Variants in CHD7 observed in about 807,000 individuals in gnomAD.
CHD7 encodes chromodomain helicase DNA binding protein 7, also known as ATP-dependent chromatin remodeler CHD7.
CHD7 carries 24 observed loss-of-function variants against 307.3 expected under a neutral mutation model. The observed-to-expected ratio is 0.08, with a 90% CI of 0.06 to 0.11. The LOEUF (loss-of-function observed/expected upper bound fraction) is 0.11, where lower values mean the gene tolerates loss of function less well. Among genes scored for constraint, CHD7 ranks in the 10% least tolerant of loss-of-function variants. The probability of loss-of-function intolerance (pLI) is 1.00; values close to 1 mark genes in which losing one functional copy is unlikely to be tolerated. For synonymous variants in CHD7, 1,363 were observed against 1,349.9 expected, an observed-to-expected ratio of 1.01 and a Z score of -0.21; for missense variants, 3,106 against 3,727.1, an observed-to-expected ratio of 0.83 and a Z score of 4.34.
At chr8:60,844,786 A>G (rs561810951) in intron 21 of CHD7, 78 bp from the exon 22 acceptor site, 41 of 1,264,316 alleles carry the variant, frequency 3.2e-5, no homozygotes, top group Non-Finnish European at 4.0e-5. Flanking sequence ...GGATTTCCCA[A>G]CGCTGGTACC....
At chr8:60,683,585 G>A (rs931820360) in intron 1 of CHD7, among the ~76,000 whole-genome samples, 1 of 152,228 alleles carries the variant, frequency 6.6e-6, no homozygotes, top group African/African-American at 2.4e-5. Context: ...GATATTTAGA[G>A]TGTGAGGACC....
At chr8:60,768,414 C>G (rs550106538) in intron 2 of CHD7, among the ~76,000 whole-genome samples, 1 of 152,340 alleles carries the variant, frequency 6.6e-6, no homozygotes, top group South Asian at 2.1e-4. Context: ...ATCCTTCCTT[C>G]TAACAACTTC....
intron 1 of CHD7, among the ~76,000 whole-genome samples, chr8:60,736,839 C>T (rs1291656609): frequency 6.6e-6 from 1 of 152,112 alleles, no homozygotes; most frequent in Non-Finnish European, 1.5e-5. Flanking sequence ...TATCTCCTTG[C>T]TAGGTTTCTA....
chr8:60,841,638 C>G lies in CHD7; in HGVS notation c.4534-6C>G. On this transcript the variant is annotated splice_polypyrimidine_tract_variant and splice_region_variant and intron_variant, in intron 19 of 37. Transcript: ENST00000423902. ...TCAAAGTAATGCGTTTCTTTTTTCT[C>G]TTTAGGCCAGTTTTGTTGCATCTGG... is the stretch of plus-strand genomic sequence containing the variant. 1 of 1,604,482 alleles carries G rather than the reference C, an allele frequency of 6.2e-7. No individual in the cohort carries two copies. Among genetic ancestry groups the G allele is most frequent in the Non-Finnish European group, 8.5e-7 (1 of 1,171,650 alleles).
At chr8:60,729,687 G>A (rs749976857) in intron 1 of CHD7, among the ~76,000 whole-genome samples, 3 of 152,176 alleles carry the variant, frequency 2.0e-5, no homozygotes, top group Non-Finnish European at 4.4e-5. Flanking sequence ...CACAAAATTC[G>A]AAGCTTCATA....
intron 19 of CHD7, among the ~76,000 whole-genome samples, chr8:60,839,366 T>C (rs1018925676): frequency 6.6e-6 from 1 of 152,222 alleles, no homozygotes; most frequent in Non-Finnish European, 1.5e-5. Flanking sequence ...TACTATTGGC[T>C]ATTATGAAGA....
intron 4 of CHD7, among the ~76,000 whole-genome samples, chr8:60,797,021 A>C (rs1812066484): frequency 6.6e-6 from 1 of 152,206 alleles, no homozygotes; most frequent in East Asian, 1.9e-4. Flanking sequence ...AAGCAATCCA[A>C]GTTTAAAAAG....
At chr8:60,767,629 A>G (rs1810533006) in intron 2 of CHD7, among the ~76,000 whole-genome samples, 1 of 152,180 alleles carries the variant, frequency 6.6e-6, no homozygotes, top group Non-Finnish European at 1.5e-5. Context: ...GGGTCCCCAG[A>G]GGCTTCCTGT....
intron 2 of CHD7, among the ~76,000 whole-genome samples, chr8:60,753,799 A>G (rs1030702060): frequency 2.0e-5 from 3 of 151,536 alleles, no homozygotes; most frequent in Non-Finnish European, 2.9e-5. Flanking sequence ...TGATTTTTGT[A>G]TTTTTAGTAG....
In CHD7 at chr8:60,848,564, G is replaced by A; in HGVS notation, c.5260G>A (p.Gly1754Arg). ...MLYYLRQEVIGDQADKILEGA... is the reference protein window; with the variant it reads ...MLYYLRQEVIRDQADKILEGA... ...GTACTACCTAAGACAAGAAGTGATAGGAGACCAGGCGGATAAGATCTTAGA... is the reference window on the plus strand; with the variant it reads ...GTACTACCTAAGACAAGAAGTGATAAGAGACCAGGCGGATAAGATCTTAGA... Residue 1754 changes from glycine (G) to arginine (R), a missense_variant, in exon 24 of 38, where the codon GGA (glycine) becomes AGA (arginine). Transcript: ENST00000423902. 6.2e-7 allele frequency: 1 copy of A among 1,613,746 alleles called. No homozygotes were observed. Among genetic ancestry groups the A allele is most frequent in the Non-Finnish European group, 8.5e-7 (1 of 1,179,764 alleles).
intron 9 of CHD7, among the ~76,000 whole-genome samples, 167 bp from the exon 10 acceptor site, chr8:60,821,623 T>C (rs1213425744): frequency 6.6e-6 from 1 of 150,474 alleles, no homozygotes. Context: ...AACATATATA[T>C]ACATATGTAT....
At chr8:60,753,551 A>T (rs528907488) in intron 2 of CHD7, among the ~76,000 whole-genome samples, 1 of 152,316 alleles carries the variant, frequency 6.6e-6, no homozygotes, top group East Asian at 1.9e-4. Flanking sequence ...AAACAACAAC[A>T]GTAAGAGACT....
In CHD7 at chr8:60,845,230, T is replaced by C. The variant is rs1394727727; in HGVS notation, c.5051-20T>C. The C allele has an allele frequency of 2.5e-6, 4 of 1,599,078 alleles. No individual in the cohort carries two copies. The highest frequency in any genetic ancestry group is 3.4e-6 in the Non-Finnish European group (4 of 1,171,056). On this transcript the variant is annotated intron_variant, in intron 22 of 37. Coordinates refer to ENST00000423902, the MANE Select transcript of CHD7 (RefSeq NM_017780.4). Reference sequence around the variant, plus strand: ...TTGGAATGTAAAAGGCTTCTATTATTATTATGATGGTGATTCTAGGTTTGT... The same window carrying C: ...TTGGAATGTAAAAGGCTTCTATTATCATTATGATGGTGATTCTAGGTTTGT...
At chr8:60,795,475 A>G (rs1438342093) in intron 4 of CHD7, among the ~76,000 whole-genome samples, 3 of 152,174 alleles carry the variant, frequency 2.0e-5, no homozygotes, top group Non-Finnish European at 2.9e-5. Context: ...AAATTTCTCT[A>G]AAGTTTGGTT....
chr8:60,731,002 CATACCCACA>C (rs1808426732), intron 1 of CHD7, among the ~76,000 whole-genome samples: 1 of 152,200 alleles, frequency 6.6e-6, no homozygotes, highest in African/African-American at 2.4e-5. Flanking sequence ...CTCTGTCCAG[CATACCCACA>C]CTGTAGATGC....
In CHD7 at chr8:60,795,083, C is replaced by T; in HGVS notation, c.2194C>T (p.Pro732Ser). 1 of 1,613,678 alleles carries T rather than the reference C, an allele frequency of 6.2e-7. No individual in the cohort carries two copies. Among genetic ancestry groups the T allele is most frequent in the African/African-American group, 1.3e-5 (1 of 74,992 alleles). The stretch of plus-strand genomic sequence containing the variant: ...AAATTCAGACTTAGACAAAACACCC[C>T]CACCATCTCCTCCTCCTGAAGAAGA... ...SENSDLDKTP[P>S]PSPPPEEDED... The change falls in exon 4 of 38, where the codon CCA (proline) becomes TCA (serine). Residue 732 changes from proline to serine, a missense_variant. Coordinates refer to ENST00000423902, the MANE Select transcript of CHD7 (RefSeq NM_017780.4).
rs149737030 is a variant in CHD7 at position 60,800,000 on chromosome 8, T to G, written c.2239-388T>G. Among the ~76,000 whole-genome samples, 320 of 152,224 alleles carry G rather than the reference T, an allele frequency of 2.1e-3. 1 individual carries two copies. Among genetic ancestry groups the G allele is most frequent in the Non-Finnish European group, 3.9e-3 (264 of 68,012 alleles). ...CTTAAGATTAATTTAAAAAAATTCA[T>G]CCTTCCACTCTGCGCCATTATAAAG... On this transcript the variant is annotated intron_variant, in intron 4 of 37. Coordinates refer to ENST00000423902, the MANE Select transcript of CHD7 (RefSeq NM_017780.4).
At chr8:60,761,438 CA>C (rs1442047639) in intron 2 of CHD7, among the ~76,000 whole-genome samples, 1 of 151,848 alleles carries the variant, frequency 6.6e-6, no homozygotes, top group East Asian at 1.9e-4. Context: ...CACATGTATA[CA>C]TATGTAACTA....
chr8:60,843,359 A>G (rs1003061276), intron 21 of CHD7, among the ~76,000 whole-genome samples: 7 of 152,222 alleles, frequency 4.6e-5, no homozygotes, highest in South Asian at 4.1e-4. Flanking sequence ...TTTCAGCACA[A>G]TCATCAGATT....
Sources: allele counts gnomAD v4.1 joint callset (sites outside exome capture counted in the v4.1 genomes callset), GRCh38; gene constraint gnomAD v4.1.1; transcripts MANE v1.5; gene names NCBI Gene and HGNC (gene_info 2026-07-23, HGNC 2026-07-21).